The following ARHGAP44 variants were observed in gnomAD, a reference collection of about 807,000 sequenced individuals.
ARHGAP44 encodes Rho GTPase activating protein 44.
A neutral mutation model predicts 106.8 loss-of-function variants in ARHGAP44; 43 were observed. The observed-to-expected ratio is 0.40, with a 90% CI of 0.32 to 0.52. The LOEUF is 0.52. Among genes scored for constraint, ARHGAP44 ranks in the 20% least tolerant of loss-of-function variants. ARHGAP44 has a pLI of 0.48. For missense variants in ARHGAP44, 866 were observed against 1,050.5 expected (o/e 0.82, Z 2.43); for synonymous variants, 439 against 410.3 (o/e 1.07, Z -0.85).
At chr17:12,907,552 T>A (rs2062897293) in intron 3 of ARHGAP44, among the ~76,000 whole-genome samples, 1 of 152,244 alleles carries the variant, frequency 6.6e-6, no homozygotes, top group Non-Finnish European at 1.5e-5. Context: ...TCTGGATATT[T>A]CATTAAATAG....
chr17:12,971,247 A>G (rs1465921743), intron 16 of ARHGAP44, among the ~76,000 whole-genome samples: 1 of 152,188 alleles, frequency 6.6e-6, no homozygotes, highest in East Asian at 1.9e-4. Flanking sequence ...TTGGTAAACC[A>G]GAAGATCACC....
rs1332661641 is a variant in ARHGAP44 at position 12,984,546 on chromosome 17, C to G, written c.1955C>G (p.Ala652Gly). ...TCTCTTTCAGTTTCAAAGAAGCTGG[C>G]ACCGATTCCACCCAAGGTCCCCTTT... ...HTLRKVSKKLAPIPPKVPFGQ... is the reference protein window; with the variant it reads ...HTLRKVSKKLGPIPPKVPFGQ... Residue 652 changes from alanine to glycine, a missense_variant, in exon 20 of 21, where the codon GCA becomes GGA. Physicochemically the swap from Ala to Gly is moderately conservative, Grantham distance 60 (BLOSUM62 0). Around this residue, in one of 2 missense-constraint regions of ARHGAP44, gnomAD observed 418 missense variants for 403.6 expected, o/e 1.04. Coordinates refer to ENST00000379672, the MANE Select transcript of ARHGAP44 (RefSeq NM_014859.6). The G allele has an allele frequency of 1.3e-6, 2 of 1,523,050 alleles. No homozygotes were observed. Among genetic ancestry groups the G allele is most frequent in the African/African-American group, 2.8e-5 (2 of 71,836 alleles). 94.3% of individuals were successfully genotyped at this position (1,523,050 alleles called of 1,614,324 possible). A position where few individuals can be genotyped will look rare whatever the true frequency, so the allele number is the denominator to read the frequency against.
intron 1 of ARHGAP44, among the ~76,000 whole-genome samples, chr17:12,802,739 A>G (rs1244760822): frequency 7.2e-6 from 1 of 139,310 alleles, no homozygotes; most frequent in East Asian, 2.0e-4. Flanking sequence ...AAAGTAGTCC[A>G]TTCTTTTTTA....
intron 7 of ARHGAP44, 36 bp downstream of exon 7, chr17:12,929,082 G>A: frequency 6.4e-7 from 1 of 1,560,084 alleles, no homozygotes; most frequent in Non-Finnish European, 8.8e-7. Flanking sequence ...ACTGGGACAG[G>A]CTGGGGAGCC....
chr17:12,933,601 A>T (rs1318752154), intron 7 of ARHGAP44, among the ~76,000 whole-genome samples: 1 of 152,190 alleles, frequency 6.6e-6, no homozygotes, highest in Non-Finnish European at 1.5e-5. Flanking sequence ...GAATCAATAC[A>T]TCCAAGGAAG....
At chr17:12,928,018 C>T (rs1171324840) in intron 6 of ARHGAP44, among the ~76,000 whole-genome samples, 1 of 152,086 alleles carries the variant, frequency 6.6e-6, no homozygotes, top group East Asian at 1.9e-4. Flanking sequence ...AATTCAGCTA[C>T]TACTATAGCA....
intron 7 of ARHGAP44, 146 bp downstream of exon 7, chr17:12,929,192 A>C: frequency 3.0e-6 from 2 of 676,614 alleles, no homozygotes; most frequent in Non-Finnish European, 2.5e-6. Context: ...TAGCATCTCC[A>C]AGGAGTCCAG....
At chr17:12,936,813 T>C (rs1382523702) in intron 7 of ARHGAP44, among the ~76,000 whole-genome samples, 1 of 152,220 alleles carries the variant, frequency 6.6e-6, no homozygotes, top group Non-Finnish European at 1.5e-5. Context: ...ACCAGCAATA[T>C]ATGAGAGGTC....
chr17:12,904,644 T>C (rs1022200202), intron 3 of ARHGAP44, among the ~76,000 whole-genome samples: 15 of 152,192 alleles, frequency 9.9e-5, no homozygotes, highest in Admixed American at 6.5e-5. Context: ...GGAAATGATA[T>C]GAAAGGTATC....
intron 16 of ARHGAP44, among the ~76,000 whole-genome samples, chr17:12,960,557 C>G (rs2039236412): frequency 8.1e-6 from 1 of 122,890 alleles, no homozygotes; most frequent in South Asian, 2.9e-4. Context: ...CAGAGCAAGA[C>G]TCCATCTCAA....
intron 1 of ARHGAP44, among the ~76,000 whole-genome samples, chr17:12,801,871 C>T (rs921898729): frequency 9.3e-5 from 14 of 150,848 alleles, no homozygotes; most frequent in African/African-American, 2.4e-4. Context: ...TTAAAATAAA[C>T]GTGTATTTTA....
At chr17:12,935,453 C>A (rs949151122) in intron 7 of ARHGAP44, among the ~76,000 whole-genome samples, 2 of 151,794 alleles carry the variant, frequency 1.3e-5, no homozygotes, top group African/African-American at 4.8e-5. Context: ...ACCTATAATT[C>A]CAGCTACTTG....
chr17:12,954,608 G>C (rs1351336271), intron 13 of ARHGAP44, among the ~76,000 whole-genome samples: 1 of 152,176 alleles, frequency 6.6e-6, no homozygotes, highest in East Asian at 1.9e-4. Flanking sequence ...GCTCACGAAG[G>C]TGAGCAGAAA....
At position 12,980,239 on chromosome 17, in the gene ARHGAP44, G is replaced by A; in HGVS notation, c.1939+6G>A. On this transcript the variant is annotated splice_donor_region_variant and intron_variant, in intron 19 of 20. Coordinates refer to ENST00000379672, the MANE Select transcript of ARHGAP44 (RefSeq NM_014859.6). The stretch of plus-strand genomic sequence containing the variant: ...TCCTCACACCCTCCGGAAAGGTATG[G>A]CCCTGCTTCCCTTCTCCTTGGTCTC... 6.2e-7 allele frequency: 1 copy of A among 1,600,726 alleles called. No homozygotes were observed. Among genetic ancestry groups the A allele is most frequent in the Non-Finnish European group, 8.5e-7 (1 of 1,172,860 alleles).
chr17:12,832,204 A>C (rs2035110293), intron 1 of ARHGAP44, among the ~76,000 whole-genome samples: 1 of 152,130 alleles, frequency 6.6e-6, no homozygotes, highest in Non-Finnish European at 1.5e-5. Flanking sequence ...GGGGTTTTTA[A>C]AGGATAATTT....
intron 1 of ARHGAP44, among the ~76,000 whole-genome samples, chr17:12,832,234 A>C (rs2035111721): frequency 1.3e-5 from 2 of 152,098 alleles, no homozygotes; most frequent in African/African-American, 4.8e-5. Flanking sequence ...GGGGCCAGGG[A>C]GTCAGGAGTG....
chr17:12,868,636 A>G (rs2036311530), intron 1 of ARHGAP44, among the ~76,000 whole-genome samples: 1 of 111,724 alleles, frequency 9.0e-6, no homozygotes, highest in African/African-American at 3.2e-5. Context: ...TATATATGAA[A>G]TGTGTATATA....
intron 6 of ARHGAP44, among the ~76,000 whole-genome samples, chr17:12,920,279 G>GGCAGGA (rs2038038954): frequency 6.9e-6 from 1 of 145,024 alleles, no homozygotes; most frequent in Non-Finnish European, 1.5e-5. Flanking sequence ...GGGAGGCTGA[G>GGCAGGA]GCAGGAGAAT....
intron 1 of ARHGAP44, among the ~76,000 whole-genome samples, chr17:12,848,672 A>C (rs2035640820): frequency 6.6e-6 from 1 of 151,964 alleles, no homozygotes; most frequent in Non-Finnish European, 1.5e-5. Context: ...TCTTTACTAG[A>C]CTCAGCTCCT....
Sources: gnomAD v4.1 joint callset for allele counts (sites outside exome capture counted in the v4.1 genomes callset) on GRCh38, gnomAD v4.1.1 for gene constraint, gnomAD v4.1.1 regional missense constraint, MANE v1.5 for transcripts, NCBI Gene and HGNC (gene_info 2026-07-23, HGNC 2026-07-21) for gene names.